The following CAPN12 variants were observed in gnomAD, a reference collection of about 807,000 sequenced individuals.
CAPN12 encodes calpain 12.
CAPN12 carries 107 observed loss-of-function variants against 95.0 expected under a neutral mutation model. The ratio of observed to expected loss-of-function variants is 1.13; its 90% CI spans 0.96 to 1.32. CAPN12 has a LOEUF of 1.32. Ranked by LOEUF, CAPN12 falls within the 40% of genes most tolerant of loss-of-function variation. The pLI, the probability that CAPN12 is intolerant of heterozygous loss-of-function variation, is 0.00. For synonymous variants in CAPN12, 505 were observed against 415.5 expected (o/e 1.22, Z -2.62); for missense variants, 1,136 against 997.8 (o/e 1.14, Z -1.87).
chr19:38,737,078 C>T lies in CAPN12; in HGVS notation c.1362+78G>A, dbSNP rs1349433993. On this transcript the variant is annotated intron_variant, in intron 10 of 20. Transcript: ENST00000328867. ...TTCCCACTGGCCCCGCCCCTCCATGCCTCCCCCGCTCCTTGGCCCGGCCCC... is the reference window on the plus strand; with the variant it reads ...TTCCCACTGGCCCCGCCCCTCCATGTCTCCCCCGCTCCTTGGCCCGGCCCC... 19 of 773,590 alleles carry T rather than the reference C, an allele frequency of 2.5e-5. 1 individual carries two copies. The East Asian group carries it at 6.2e-4, about 25-fold the overall frequency. The allele number at this position is 773,590 out of a possible 1,614,324, so 47.9% of individuals were successfully genotyped here.
rs1970356068 is a variant in CAPN12, at chr19:38,738,496, A to G, written c.812T>C (p.Leu271Pro). ...CAGCAGCCGCACCTTGGTGAAGCCCAGGAACACCTGGGGCAGCATCGTCAG... is the reference window on the plus strand; with the variant it reads ...CAGCAGCCGCACCTTGGTGAAGCCCGGGAACACCTGGGGCAGCATCGTCAG... ...YSITGTHKVF[L>P]GFTKVRLLRL... Residue 271 changes from leucine (L) to proline (P), a missense_variant, in exon 7 of 21, where the codon CTG (leucine) becomes CCG (proline). Coordinates refer to ENST00000328867, the MANE Select transcript of CAPN12 (RefSeq NM_144691.4). 6.2e-7 allele frequency: 1 copy of G among 1,612,454 alleles called. No homozygotes were observed. Among genetic ancestry groups the G allele is most frequent in the Non-Finnish European group, 8.5e-7 (1 of 1,179,190 alleles).
chr19:38,744,026 C>T lies in CAPN12; in HGVS notation c.140G>A (p.Arg47His), dbSNP rs200921948. ...AACLDSGILF[R>H]DPYFPAGPDA... is the part of the protein sequence containing the mutation. Reference sequence around the variant, plus strand: ...AGGGCCAGCAGGGAAGTAAGGGTCGCGGAACAGGATCCCCGAATCCAGGCA... The same window carrying T: ...AGGGCCAGCAGGGAAGTAAGGGTCGTGGAACAGGATCCCCGAATCCAGGCA... The change falls in exon 1 of 21, where the codon CGC becomes CAC. Residue 47 changes from arginine to histidine, a missense_variant. Physicochemically the swap from Arg to His is conservative, Grantham distance 29 (BLOSUM62 0). Coordinates refer to ENST00000328867, the MANE Select transcript of CAPN12 (RefSeq NM_144691.4). The T allele has an allele frequency of 1.4e-5, 23 of 1,614,220 alleles. No homozygotes were observed. Among genetic ancestry groups the T allele is most frequent in the South Asian group, 5.5e-5 (5 of 91,090 alleles).
chr19:38,736,271 C>G lies in CAPN12; in HGVS notation c.1422G>C (p.Arg474=). The change falls in exon 12 of 21, where the codon CGG becomes CGC. Residue 474 remains arginine (R), a synonymous_variant. Coordinates refer to ENST00000328867, the MANE Select transcript of CAPN12 (RefSeq NM_144691.4). ...DSPRSHALLP[R]LLRADRSPLS... ...GGGGCGAGCGGTCGGCGCGCAGCAG[C>G]CGGGGCAGGAGCGCATGGCTGCGCG... The G allele has an allele frequency of 6.9e-7, 1 of 1,458,350 alleles. No individual in the cohort carries two copies. The highest frequency in any genetic ancestry group is 1.5e-5 in the African/African-American group (1 of 67,262). 90.3% of individuals were successfully genotyped at this position (1,458,350 alleles called of 1,614,324 possible).
Position 38,737,281 on chromosome 19 carries a change from G to A in CAPN12, c.1237C>T (p.Arg413Trp), listed in dbSNP as rs879183593. ...GTGCGGCCCCCCCGCGCTGGGCCCC[G>A]TGCCCCTGCAGCCCCCCAGCCCCCC... The part of the protein sequence containing the change: ...PWGGWGAAGA[R>W]GPARGGRTPK... Residue 413 changes from arginine (R) to tryptophan (W), a missense_variant, in exon 10 of 21, where the codon CGG becomes TGG. Coordinates refer to ENST00000328867, the MANE Select transcript of CAPN12 (RefSeq NM_144691.4). 3 of 585,812 alleles carry A rather than the reference G, an allele frequency of 5.1e-6. No homozygotes were observed. Among genetic ancestry groups the A allele is most frequent in the Non-Finnish European group, 6.8e-6 (3 of 438,950 alleles). The allele number at this position is 585,812 out of a possible 1,614,324, so 36.3% of individuals were successfully genotyped here. A position where few individuals can be genotyped will look rare whatever the true frequency, so the allele number is the denominator to read the frequency against.
chr19:38,737,411 G>A, intron 9 of CAPN12, 23 bp from the exon 10 acceptor site: 1 of 1,609,242 alleles, frequency 6.2e-7, no homozygotes, highest in Non-Finnish European at 8.5e-7. Context: ...GAAAAAAGGG[G>A]GTTTCCTAGC....
rs200921948 is a variant in CAPN12 at position 38,744,026 on chromosome 19, C to A, written c.140G>T (p.Arg47Leu). The change falls in exon 1 of 21, where the codon CGC becomes CTC. Residue 47 changes from arginine (R) to leucine (L), a missense_variant. Coordinates refer to ENST00000328867, the MANE Select transcript of CAPN12 (RefSeq NM_144691.4). ...AACLDSGILFRDPYFPAGPDA... is the reference protein window; with the variant it reads ...AACLDSGILFLDPYFPAGPDA... The stretch of plus-strand genomic sequence containing the variant: ...AGGGCCAGCAGGGAAGTAAGGGTCG[C>A]GGAACAGGATCCCCGAATCCAGGCA... 1.9e-6 allele frequency: 3 copies of A among 1,614,220 alleles called. No homozygotes were observed. Among genetic ancestry groups the A allele is most frequent in the Non-Finnish European group, 1.7e-6 (2 of 1,180,036 alleles).
At chr19:38,733,571 G>A (rs1969791830) in intron 18 of CAPN12, 132 bp downstream of exon 18, 1 of 776,256 alleles carries the variant, frequency 1.3e-6, no homozygotes, top group Non-Finnish European at 2.1e-6. Context: ...CCAGGGACTG[G>A]CAACAAGCTA....
At chr19:38,743,776 T>C (rs1216255251) in intron 1 of CAPN12, among the ~76,000 whole-genome samples, 153 bp downstream of exon 1, 1 of 95,364 alleles carries the variant, frequency 1.0e-5, no homozygotes, top group Non-Finnish European at 2.1e-5. Context: ...GCCCAGCCCC[T>C]CCTCCCTCAG....
At chr19:38,736,727 A>G (rs1469598893) in intron 10 of CAPN12, 164 bp from the exon 11 acceptor site, 1 of 817,764 alleles carries the variant, frequency 1.2e-6, no homozygotes, top group Non-Finnish European at 1.9e-6. Flanking sequence ...GCCCTCGCCG[A>G]CCCCTCCCCA....
At position 38,740,800 on chromosome 19, in the gene CAPN12, C is replaced by CA. The variant is rs34848133; in HGVS notation, c.561-582dup. Among the ~76,000 whole-genome samples the CA allele has an allele frequency of 2.0e-3, 266 of 130,968 alleles. 2 individuals are homozygous for CA. The highest frequency in any genetic ancestry group is 2.8e-3 in the East Asian group (12 of 4,304). The allele number at this position is 130,968 out of a possible 152,430, so 85.9% of individuals were successfully genotyped here. On this transcript the variant is annotated intron_variant, in intron 4 of 20. Coordinates refer to ENST00000328867, the MANE Select transcript of CAPN12 (RefSeq NM_144691.4). ...GGGCAACAAGAGTGAAACTCCATCT[C>CA]AAAAAAAAAAAAAAAATTCAGACTC...
intron 17 of CAPN12, 106 bp from the exon 18 acceptor site, chr19:38,733,887 C>G: frequency 2.1e-6 from 2 of 975,100 alleles, no homozygotes; most frequent in Non-Finnish European, 3.1e-6. Context: ...TCCCTTTCTT[C>G]TGGTGTGGAC....
chr19:38,737,581 G>A lies in CAPN12; in HGVS notation c.1023C>T (p.Ser341=). Residue 341 remains serine (S), a synonymous_variant, in exon 9 of 21, where the codon AGC becomes AGT. Transcript: ENST00000328867. The part of the protein sequence containing the change: ...HFDTVQICSL[S]PEVLGPSPEG... ...CCGGGCTGGGGCCCAGCACCTCCGG[G>A]CTCAGCGAGCAGATCTGCACGGTGT... is the stretch of plus-strand genomic sequence containing the variant. 6.2e-7 allele frequency: 1 copy of A among 1,612,236 alleles called. No homozygotes were observed. Among genetic ancestry groups the A allele is most frequent in the Non-Finnish European group, 8.5e-7 (1 of 1,179,746 alleles).
intron 14 of CAPN12, 124 bp downstream of exon 14, chr19:38,735,246 A>G: frequency 1.0e-6 from 1 of 960,770 alleles, no homozygotes. Flanking sequence ...AGGTCAGGAG[A>G]TTTAAGCCCG....
At chr19:38,738,823 G>A (rs937836604) in intron 5 of CAPN12, 175 bp from the exon 6 acceptor site, 4 of 619,486 alleles carry the variant, frequency 6.5e-6, no homozygotes, top group East Asian at 5.5e-5. Context: ...AAAAGGAGAG[G>A]AAGGGAGATG....
In CAPN12 at chr19:38,737,262, C is replaced by T. The variant is rs776274577; in HGVS notation, c.1256G>A (p.Gly419Asp). 2 of 1,548,276 alleles carry T rather than the reference C, an allele frequency of 1.3e-6. No homozygotes were observed. The highest frequency in any genetic ancestry group is 1.7e-6 in the Non-Finnish European group (2 of 1,146,644). Residue 419 changes from glycine (G) to aspartate (D), a missense_variant, in exon 10 of 21, where the codon GGC becomes GAC. Gly to Asp is a moderately conservative substitution (Grantham distance 94). Coordinates refer to ENST00000328867, the MANE Select transcript of CAPN12 (RefSeq NM_144691.4). ...AAGGACCGTGCACTTGGGCGTGCGG[C>T]CCCCCCGCGCTGGGCCCCGTGCCCC... is the stretch of plus-strand genomic sequence containing the variant. ...AAGARGPARG[G>D]RTPKCTVLLS... is the part of the protein sequence containing the mutation.
chr19:38,737,240 G>A lies in CAPN12; in HGVS notation c.1278C>T (p.Val426=). The A allele has an allele frequency of 1.3e-6, 2 of 1,550,688 alleles. No homozygotes were observed. Among genetic ancestry groups the A allele is most frequent in the South Asian group, 2.4e-5 (2 of 84,194 alleles). ...ARGGRTPKCT[V]LLSLIQRNRR... is the part of the protein sequence containing the mutation. ...GGTTGCGCTGGATGAGGGACAGAAG[G>A]ACCGTGCACTTGGGCGTGCGGCCCC... The change falls in exon 10 of 21, where the codon GTC becomes GTT. Residue 426 remains valine (V), a synonymous_variant. Coordinates refer to ENST00000328867, the MANE Select transcript of CAPN12 (RefSeq NM_144691.4).
At position 38,739,979 on chromosome 19, in the gene CAPN12, G is replaced by A. The variant is rs985462134; in HGVS notation, c.729+72C>T. The A allele has an allele frequency of 4.1e-5, 58 of 1,424,242 alleles. No homozygotes were observed. The African/African-American group carries it at 6.6e-4, about 16-fold the overall frequency. 88.2% of individuals were successfully genotyped at this position (1,424,242 alleles called of 1,614,324 possible). On this transcript the variant is annotated intron_variant, in intron 5 of 20. Transcript: ENST00000328867. ...AAGCAGAGAACAGAGGAAGCACTCC[G>A]CCCACCCCACCACACCCCTGACTGT...
chr19:38,740,097 A>G lies in CAPN12; in HGVS notation c.683T>C (p.Leu228Pro). 1 of 1,612,460 alleles carries G rather than the reference A, an allele frequency of 6.2e-7. No homozygotes were observed. Among genetic ancestry groups the G allele is most frequent in the Admixed American group, 1.7e-5 (1 of 59,818 alleles). Reference sequence around the variant, plus strand: ...GGACTCCTTGGCCAGGGCATGGCGCAGGGCAGAGAACAGCCCCATGCTGTT... The same window carrying G: ...GGACTCCTTGGCCAGGGCATGGCGCGGGGCAGAGAACAGCCCCATGCTGTT... ...RQNSMGLFSA[L>P]RHALAKESLV... Residue 228 changes from leucine (L) to proline (P), a missense_variant, in exon 5 of 21, where the codon CTG (leucine) becomes CCG (proline). By Grantham distance (98) the Leu-to-Pro change is moderately conservative. Coordinates refer to ENST00000328867, the MANE Select transcript of CAPN12 (RefSeq NM_144691.4).
rs1039835069 is a variant in CAPN12 at position 38,737,552 on chromosome 19, C to G, written c.1052G>C (p.Gly351Ala). Residue 351 changes from glycine to alanine, a missense_variant, in exon 9 of 21, where the codon GGG (glycine) becomes GCG (alanine). Coordinates refer to ENST00000328867, the MANE Select transcript of CAPN12 (RefSeq NM_144691.4). Reference protein sequence around the residue: ...SPEVLGPSPEGGGWHVHTFQG... With the variant: ...SPEVLGPSPEAGGWHVHTFQG... ...GAAGGTGTGGACGTGCCAGCCGCCCCCCTCCGGGCTGGGGCCCAGCACCTC... is the reference window on the plus strand; with the variant it reads ...GAAGGTGTGGACGTGCCAGCCGCCCGCCTCCGGGCTGGGGCCCAGCACCTC... 1 of 1,612,380 alleles carries G rather than the reference C, an allele frequency of 6.2e-7. No homozygotes were observed. The highest frequency in any genetic ancestry group is 1.3e-5 in the African/African-American group (1 of 74,930).
Sources: gnomAD v4.1 joint callset for allele counts (sites outside exome capture counted in the v4.1 genomes callset) on GRCh38, gnomAD v4.1.1 for gene constraint, MANE v1.5 for transcripts, NCBI Gene and HGNC (gene_info 2026-07-23, HGNC 2026-07-21) for gene names.